PPP1R13B: variants seen among roughly 807,000 people sequenced by gnomAD.
The protein encoded by PPP1R13B is apoptosis-stimulating of p53 protein 1.
PPP1R13B carries 44 observed loss-of-function variants against 119.8 expected under a neutral mutation model. That is an observed-to-expected ratio of 0.37 (90% CI 0.29 to 0.47). The LOEUF is 0.47. Among genes scored for constraint, PPP1R13B ranks in the 20% least tolerant of loss-of-function variants. The pLI is 0.99. For missense variants in PPP1R13B, 1,227 were observed against 1,413.5 expected (o/e 0.87, Z 2.12); for synonymous variants, 542 against 561.5 (o/e 0.97, Z 0.49).
At chr14:103,798,664 A>G (rs1230978354) in intron 1 of PPP1R13B, among the ~76,000 whole-genome samples, 2 of 152,146 alleles carry the variant, frequency 1.3e-5, no homozygotes, top group African/African-American at 4.8e-5. Flanking sequence ...ATAAAAATAC[A>G]TTATAGTGTA....
chr14:103,822,142 T>C (rs1227509267), intron 1 of PPP1R13B, among the ~76,000 whole-genome samples: 1 of 152,136 alleles, frequency 6.6e-6, no homozygotes, highest in East Asian at 1.9e-4. Flanking sequence ...AAGCCACTTT[T>C]TTTTTTTTGG....
At chr14:103,735,248 G>A in intron 16 of PPP1R13B, 53 bp from the exon 17 acceptor site, 2 of 1,598,484 alleles carry the variant, frequency 1.3e-6, no homozygotes, top group East Asian at 2.2e-5. Context: ...AGGGAGCAGG[G>A]CCAGCCAGAC....
At chr14:103,798,937 G>A (rs1360934229) in intron 1 of PPP1R13B, among the ~76,000 whole-genome samples, 4 of 151,780 alleles carry the variant, frequency 2.6e-5, no homozygotes, top group East Asian at 1.9e-4. Flanking sequence ...CAATCCTCTC[G>A]CCTTGGCCTC....
At chr14:103,754,839 G>T (rs2084637158) in intron 5 of PPP1R13B, among the ~76,000 whole-genome samples, 2 of 151,700 alleles carry the variant, frequency 1.3e-5, no homozygotes, top group South Asian at 4.1e-4. Context: ...GAGTGCAGTG[G>T]CATGATCTCG....
intron 2 of PPP1R13B, among the ~76,000 whole-genome samples, chr14:103,791,261 A>C (rs776189057): frequency 6.6e-6 from 1 of 152,150 alleles, no homozygotes; most frequent in South Asian, 2.1e-4. Flanking sequence ...CTGGGACTAC[A>C]GGCGCAAACA....
rs2084013793 is a variant in PPP1R13B at position 103,733,787 on chromosome 14, AG to A, written c.*1366del. On this transcript the variant is annotated 3_prime_UTR_variant, in exon 17 of 17. Coordinates refer to ENST00000202556, the MANE Select transcript of PPP1R13B (RefSeq NM_015316.3). Reference sequence around the variant, plus strand: ...ACGGGTTTATTGTGCACATTTACACAGCGTCAGCAGCGTCTGGGCTGGCAGC... The same window carrying A: ...ACGGGTTTATTGTGCACATTTACACACGTCAGCAGCGTCTGGGCTGGCAGC... 1 of 152,298 alleles carries A rather than the reference AG, an allele frequency of 6.6e-6. No individual in the cohort carries two copies. Among genetic ancestry groups the A allele is most frequent in the African/African-American group, 2.4e-5 (1 of 41,444 alleles). 9.4% of individuals were successfully genotyped at this position (152,298 alleles called of 1,614,324 possible).
chr14:103,826,518 T>C (rs2086545562), intron 1 of PPP1R13B, among the ~76,000 whole-genome samples: 1 of 152,210 alleles, frequency 6.6e-6, no homozygotes, highest in South Asian at 2.1e-4. Context: ...CCTCGCTTTA[T>C]AGTAAGAGAG....
chr14:103,794,850 C>G (rs2085719295), intron 2 of PPP1R13B, among the ~76,000 whole-genome samples: 1 of 152,176 alleles, frequency 6.6e-6, no homozygotes, highest in Admixed American at 6.5e-5. Context: ...GAACACTAGG[C>G]TGGACACTGG....
chr14:103,827,263 C>A (rs977257879), intron 1 of PPP1R13B, among the ~76,000 whole-genome samples: 3 of 150,430 alleles, frequency 2.0e-5, no homozygotes, highest in Non-Finnish European at 4.4e-5. Context: ...GTGAACCCGG[C>A]AGGTGGAGCT....
intron 4 of PPP1R13B, chr14:103,764,522 C>T (rs775157377): frequency 3.0e-6 from 1 of 331,228 alleles, no homozygotes; most frequent in South Asian, 2.4e-5. Context: ...TATAGAAGTA[C>T]AAAATACATC....
intron 1 of PPP1R13B, among the ~76,000 whole-genome samples, chr14:103,838,130 A>G (rs187134260): frequency 4.6e-5 from 7 of 152,162 alleles, no homozygotes; most frequent in Admixed American, 1.3e-4. Flanking sequence ...AAATAAACAA[A>G]TAAATAAAGT....
chr14:103,736,949 A>G (rs2084128871), intron 15 of PPP1R13B: 1 of 152,394 alleles, frequency 6.6e-6, no homozygotes, highest in Admixed American at 6.5e-5. Flanking sequence ...CAGAATAGAG[A>G]AGATGTTCCA....
At chr14:103,818,671 C>T (rs2086334170) in intron 1 of PPP1R13B, among the ~76,000 whole-genome samples, 1 of 152,078 alleles carries the variant, frequency 6.6e-6, no homozygotes, top group South Asian at 2.1e-4. Flanking sequence ...TTTTACATGG[C>T]CCATCCCTCT....
intron 1 of PPP1R13B, among the ~76,000 whole-genome samples, chr14:103,800,674 A>C (rs2085878767): frequency 6.6e-6 from 1 of 152,054 alleles, no homozygotes; most frequent in African/African-American, 2.4e-5. Flanking sequence ...AAAAACAAAA[A>C]ACAAAAAAAA....
At chr14:103,787,403 G>A (rs771668674) in intron 2 of PPP1R13B, among the ~76,000 whole-genome samples, 27 of 151,796 alleles carry the variant, frequency 1.8e-4, no homozygotes, top group Admixed American at 8.5e-4. Flanking sequence ...AGCTGAGATC[G>A]TGCTACTTCA....
At chr14:103,797,838 T>C (rs1015709685) in intron 1 of PPP1R13B, among the ~76,000 whole-genome samples, 2 of 151,568 alleles carry the variant, frequency 1.3e-5, no homozygotes, top group East Asian at 1.9e-4. Context: ...CAATTACCTA[T>C]GAAAAAAATG....
rs1284610424 is a variant in PPP1R13B, at chr14:103,827,011, C to CA, written c.9+20287dup. 1.7e-3 allele frequency among the ~76,000 whole-genome samples: 206 copies of CA among 121,218 alleles called. 1 individual carries two copies. Among genetic ancestry groups the CA allele is most frequent in the Middle Eastern group, 5.8e-3 (1 of 172 alleles). The allele number at this position is 121,218 out of a possible 152,430, so 79.5% of individuals were successfully genotyped here. On this transcript the variant is annotated intron_variant, in intron 1 of 16. Coordinates refer to ENST00000202556, the MANE Select transcript of PPP1R13B (RefSeq NM_015316.3). ...TGGGTGACAGAGCGAAACTCCATCT[C>CA]AAAAAAAAAAAGGCAAAAAAAAGTA...
At chr14:103,791,618 G>A (rs762170089) in intron 2 of PPP1R13B, among the ~76,000 whole-genome samples, 17 of 152,256 alleles carry the variant, frequency 1.1e-4, no homozygotes, top group South Asian at 8.3e-4. Flanking sequence ...CCAGCTACTC[G>A]GGAGGCTGAG....
Position 103,742,342 on chromosome 14 carries a change from G to A in PPP1R13B, c.1321-51C>T, listed in dbSNP as rs754836418. ...ACAAAGTCACCCTTTGAACAGTTAA[G>A]AATATTTCCACCCACATTCCCAAGA... On this transcript the variant is annotated intron_variant, in intron 10 of 16. Coordinates refer to ENST00000202556, the MANE Select transcript of PPP1R13B (RefSeq NM_015316.3). The surrounding 1 kb of genome is among the most constrained non-coding windows in gnomAD (Gnocchi z 4.9). 2 of 1,499,020 alleles carry A rather than the reference G, an allele frequency of 1.3e-6. No homozygotes were observed. Among genetic ancestry groups the A allele is most frequent in the Non-Finnish European group, 1.8e-6 (2 of 1,130,474 alleles). 92.9% of individuals were successfully genotyped at this position (1,499,020 alleles called of 1,614,324 possible). A position where few individuals can be genotyped will look rare whatever the true frequency, so the allele number is the denominator to read the frequency against.
Sources: gnomAD v4.1 joint callset for allele counts (sites outside exome capture counted in the v4.1 genomes callset) on GRCh38, gnomAD v4.1.1 for gene constraint, Gnocchi (gnomAD v3.1) non-coding constraint, MANE v1.5 for transcripts, NCBI Gene and HGNC (gene_info 2026-07-23, HGNC 2026-07-21) for gene names.